RIIAD1: variants seen among roughly 807,000 people sequenced by gnomAD.
The protein encoded by RIIAD1 is regulatory subunit of type II PKA R-subunit domain containing 1.
Under a neutral mutation model 13.3 loss-of-function variants are expected in RIIAD1, and 15 were observed. The ratio of observed to expected loss-of-function variants is 1.13; its 90% confidence interval spans 0.76 to 1.74. The LOEUF is 1.74. Among genes scored for constraint, RIIAD1 ranks in the 40% most tolerant of loss-of-function variants. The probability of loss-of-function intolerance (pLI) is 0.00; values close to 1 mark genes in which losing one functional copy is unlikely to be tolerated. For missense variants in RIIAD1, 121 were observed against 112.2 expected (o/e 1.08, Z -0.35); for synonymous variants, 50 against 43.3 (o/e 1.16, Z -0.61).
chr1:151,723,827 G>A (rs746079942), intron 2 of RIIAD1, among the ~76,000 whole-genome samples: 4 of 152,228 alleles, frequency 2.6e-5, no homozygotes, highest in Non-Finnish European at 4.4e-5. Context: ...ATGAAGGTTG[G>A]CCAGGGATAA....
chr1:151,715,583 A>G (rs1353784298), intron 4 of RIIAD1: 3 of 1,393,508 alleles, frequency 2.2e-6, no homozygotes, highest in Non-Finnish European at 2.8e-6. Flanking sequence ...TTGTCCCTCC[A>G]TTCTTTCTTG....
chr1:151,715,625 G>A, intron 4 of RIIAD1: 2 of 1,475,626 alleles, frequency 1.4e-6, no homozygotes, highest in African/African-American at 1.4e-5. Context: ...ACACCCATAT[G>A]TCTGGGATCC....
rs1558120566 is a variant in RIIAD1, at chr1:151,728,822, A to C, written c.265A>C (p.Lys89Gln). 1.9e-6 allele frequency: 3 copies of C among 1,541,052 alleles called. No homozygotes were observed. The highest frequency in any genetic ancestry group is 1.8e-6 in the Non-Finnish European group (2 of 1,137,428). The change falls in exon 4 of 5, where the codon AAG (lysine) becomes CAG (glutamine). Residue 89 changes from lysine (K) to glutamine (Q), a missense_variant. Lys to Gln is a moderately conservative substitution (Grantham distance 53). Coordinates refer to ENST00000479191, the MANE Select transcript of RIIAD1 (RefSeq NM_001144956.3). ...NKIHMQLIKDKKAA is the reference protein window; with the variant it reads ...NKIHMQLIKDQKAA ...GATTCACATGCAGCTAATTAAAGAC[A>C]AGAAAGCGGCTTAATTAGCAAAATC...
In RIIAD1 at chr1:151,714,249, G is replaced by A. The variant is rs1331059122; in HGVS notation, c.-89-171G>A. ...ACAAAAGAGTGCCTGGGTGCCCCCT[G>A]CTCACCCTGATCCACACTTGGTGTC... On this transcript the variant is annotated intron_variant, in intron 3 of 8. Transcript: ENST00000326413. 4.6e-5 allele frequency among the ~76,000 whole-genome samples: 7 copies of A among 152,076 alleles called. No individual in the cohort carries two copies. In the East Asian group the frequency reaches 1.3e-3, roughly 29 times the overall value.
chr1:151,729,142 G>A lies in RIIAD1; in HGVS notation c.*57+249G>A, dbSNP rs147746078. 4.7e-3 allele frequency among the ~76,000 whole-genome samples: 716 copies of A among 152,294 alleles called. 3 individuals are homozygous for A. Among genetic ancestry groups the A allele is most frequent in the Middle Eastern group, 0.037 (11 of 294 alleles). The stretch of plus-strand genomic sequence containing the variant: ...ATGGATTAAGGGAATGGAAGTGGAA[G>A]TACAGTAGTTCAGGGGTAAAGATGG... On this transcript the variant is annotated intron_variant, in intron 4 of 4. Coordinates refer to ENST00000479191, the MANE Select transcript of RIIAD1 (RefSeq NM_001144956.3).
upstream of RIIAD1, chr1:151,719,449 G>A (rs566377733): frequency 3.5e-5 from 20 of 575,308 alleles, no homozygotes; most frequent in South Asian, 4.0e-4. Context: ...ATTTATAAAG[G>A]GAGAGCTCTG....
upstream of RIIAD1, among the ~76,000 whole-genome samples, chr1:151,718,123 C>T (rs1673625960): frequency 6.6e-6 from 1 of 152,168 alleles, no homozygotes; most frequent in South Asian, 2.1e-4. Flanking sequence ...CCAGCTGAGT[C>T]CCAGGGGCCT....
intron 2 of RIIAD1, among the ~76,000 whole-genome samples, chr1:151,725,172 G>A (rs982934997): frequency 1.4e-5 from 2 of 143,246 alleles, no homozygotes; most frequent in African/African-American, 2.6e-5. Context: ...GTGCAGTGGC[G>A]CAATATCGGC....
At chr1:151,721,759 G>A (rs1553274291) in intron 1 of RIIAD1, 139 bp downstream of exon 1, 2 of 526,300 alleles carry the variant, frequency 3.8e-6, no homozygotes, top group Non-Finnish European at 6.4e-6. Flanking sequence ...GCGCAGGGGA[G>A]ACCCCCGGCG....
chr1:151,722,405 A>G (rs552433764), intron 2 of RIIAD1, among the ~76,000 whole-genome samples: 77 of 152,218 alleles, frequency 5.1e-4, no homozygotes, highest in Non-Finnish European at 9.3e-4. Context: ...TCACTAGTTG[A>G]ACTTAAAACA....
intron 2 of RIIAD1, among the ~76,000 whole-genome samples, chr1:151,712,417 C>T (rs1212166389): frequency 2.0e-5 from 3 of 152,254 alleles, no homozygotes; most frequent in African/African-American, 7.2e-5. Context: ...CCTGGCTCCA[C>T]ACTTGTTCCC....
rs1312624923 is a variant in RIIAD1, at chr1:151,714,825, G to A, written c.21+296G>A. The A allele has an allele frequency of 9.4e-6, 6 of 637,026 alleles. No homozygotes were observed. The African/African-American group carries it at 1.1e-4, about 12-fold the overall frequency. 39.5% of individuals were successfully genotyped at this position (637,026 alleles called of 1,614,324 possible). A position where few individuals can be genotyped will look rare whatever the true frequency, so the allele number is the denominator to read the frequency against. On this transcript the variant is annotated intron_variant, in intron 4 of 8. Coordinates refer to the RIIAD1 transcript ENST00000326413. ...TGGGGTAGAGAGGTGTCTCCAAGGG[G>A]TAGACTCTCTGCCCCAGAAGTGGGG...
At chr1:151,721,308 G>A (rs1434630170), upstream of RIIAD1, among the ~76,000 whole-genome samples, 2 of 152,166 alleles carry the variant, frequency 1.3e-5, no homozygotes, top group Non-Finnish European at 2.9e-5. Flanking sequence ...GTTGGGTGGG[G>A]TCAAAAAGGG....
upstream of RIIAD1, among the ~76,000 whole-genome samples, chr1:151,719,207 C>G (rs1209641666): frequency 2.0e-5 from 3 of 152,086 alleles, no homozygotes; most frequent in African/African-American, 4.8e-5. Context: ...ATCAGACTCT[C>G]CTTGCTGAGT....
At chr1:151,716,074 AG>A (rs1673458823) in intron 4 of RIIAD1, 4 of 1,537,350 alleles carry the variant, frequency 2.6e-6, no homozygotes, top group East Asian at 4.5e-5. Flanking sequence ...CCAAAGGCCA[AG>A]GGGAGCTGCC....
intron 4 of RIIAD1, chr1:151,716,285 G>A: frequency 2.3e-6 from 1 of 442,694 alleles, no homozygotes; most frequent in Non-Finnish European, 4.0e-6. Context: ...CCCTCCCAGA[G>A]ATCTGGCAAA....
At chr1:151,714,555 C>T (rs1311085607) in intron 4 of RIIAD1, 3 of 1,479,028 alleles carry the variant, frequency 2.0e-6, no homozygotes, top group Non-Finnish European at 2.8e-6. Context: ...CTTCTATGGC[C>T]CTTCTCAGTC....
At chr1:151,714,353 A>G (rs1365306972) in intron 3 of RIIAD1, 2 of 609,670 alleles carry the variant, frequency 3.3e-6, no homozygotes, top group Admixed American at 2.8e-5. Context: ...GAAGTGGGGA[A>G]GGGGCTGCAT....
intron 2 of RIIAD1, among the ~76,000 whole-genome samples, chr1:151,726,490 G>T (rs1173601586): frequency 6.6e-6 from 1 of 152,162 alleles, no homozygotes; most frequent in Non-Finnish European, 1.5e-5. Flanking sequence ...GGAAGGAGGG[G>T]CTTCTTGGGG....
Sources: gnomAD v4.1 joint callset for allele counts (sites outside exome capture counted in the v4.1 genomes callset) on GRCh38, gnomAD v4.1.1 for gene constraint, MANE v1.5 for transcripts, NCBI Gene and HGNC (gene_info 2026-07-23, HGNC 2026-07-21) for gene names.